Variants in MMAB observed in about 807,000 individuals in gnomAD.
The protein encoded by MMAB is metabolism of cobalamin associated B.
Under a neutral mutation model 30.6 loss-of-function variants are expected in MMAB, and 17 were observed. That is an observed-to-expected ratio of 0.56 (90% CI 0.38 to 0.83). The LOEUF is 0.83. Among genes scored for constraint, MMAB ranks in the 40% least tolerant of loss-of-function variants. MMAB has a pLI of 0.00. For missense variants in MMAB, 311 were observed against 331.6 expected (o/e 0.94, Z 0.48); for synonymous variants, 134 against 138.6 (o/e 0.97, Z 0.23).
intron 7 of MMAB, among the ~76,000 whole-genome samples, 188 bp downstream of exon 7, chr12:109,560,852 G>A (rs1884164526): frequency 6.6e-6 from 1 of 152,136 alleles, no homozygotes; most frequent in African/African-American, 2.4e-5. Flanking sequence ...CAGTGGAGGG[G>A]CCCAGACAAG....
At position 109,553,864 on chromosome 12, in the gene MMAB, G is replaced by A. The variant is rs1392775803; in HGVS notation, c.*3164C>T. ...GCTGTCGGAAGGTGTCGAGGCAGCA[G>A]CAAGGGTGACATTGCCACTGACGGG... On this transcript the variant is annotated 3_prime_UTR_variant, in exon 9 of 9. Transcript: ENST00000545712. 6.6e-6 allele frequency: 3 copies of A among 454,018 alleles called. No individual in the cohort carries two copies. Among genetic ancestry groups the A allele is most frequent in the African/African-American group, 4.0e-5 (2 of 50,016 alleles). The allele number at this position is 454,018 out of a possible 1,614,324, so 28.1% of individuals were successfully genotyped here. A position where few individuals can be genotyped will look rare whatever the true frequency, so the allele number is the denominator to read the frequency against.
rs1231969665 is a variant in MMAB at position 109,561,508 on chromosome 12, G to A, written c.431C>T (p.Thr144Met). Residue 144 changes from threonine (T) to methionine (M), a missense_variant, in exon 6 of 9, where the codon ACG (threonine) becomes ATG (methionine). By Grantham distance (81) the Thr-to-Met change is moderately conservative. Coordinates refer to ENST00000545712, the MANE Select transcript of MMAB (RefSeq NM_052845.4). The surrounding 1 kb of genome is among the most constrained non-coding windows in gnomAD (Gnocchi z 5.3). ...SAREAHLKYTTFKAGPILELE... is the reference protein window; with the variant it reads ...SAREAHLKYTMFKAGPILELE... ...CTCCAGGATGGGCCCCGCCTTGAAC[G>A]TGGTATACTCTGAGGAGCCAAGGAG... 10 of 1,549,122 alleles carry A rather than the reference G, an allele frequency of 6.5e-6. No homozygotes were observed. The East Asian group carries it at 2.2e-4, about 34-fold the overall frequency.
At chr12:109,559,386 G>A (rs1167514559) in intron 7 of MMAB, among the ~76,000 whole-genome samples, 1 of 152,186 alleles carries the variant, frequency 6.6e-6, no homozygotes, top group African/African-American at 2.4e-5. Context: ...GATCAAGGAT[G>A]GCTGGTGAGT....
Position 109,554,602 on chromosome 12 carries a change from G to A in MMAB, c.*2426C>T. ...GCAATGGGACTGATTGTTTCTGAGAGTTGCCAGTGGTGTGCAAACACTGGG... is the reference window on the plus strand; with the variant it reads ...GCAATGGGACTGATTGTTTCTGAGAATTGCCAGTGGTGTGCAAACACTGGG... On this transcript the variant is annotated 3_prime_UTR_variant, in exon 9 of 9. Transcript: ENST00000545712. The A allele has an allele frequency of 2.2e-6, 1 of 454,142 alleles. No individual in the cohort carries two copies. Among genetic ancestry groups the A allele is most frequent in the Non-Finnish European group, 4.4e-6 (1 of 226,800 alleles). The allele number at this position is 454,142 out of a possible 1,614,324, so 28.1% of individuals were successfully genotyped here.
intron 2 of MMAB, 47 bp downstream of exon 2, chr12:109,571,602 G>T: frequency 6.5e-7 from 1 of 1,529,932 alleles, no homozygotes; most frequent in Non-Finnish European, 9.1e-7. Context: ...TTAAAATGGT[G>T]TATGCCATGA....
At chr12:109,573,008 G>A (rs540315765) in intron 1 of MMAB, among the ~76,000 whole-genome samples, 62 of 152,338 alleles carry the variant, frequency 4.1e-4, no homozygotes, top group Non-Finnish European at 6.3e-4. Flanking sequence ...CAAGTTTCAA[G>A]GAATATGAGG....
At chr12:109,572,411 ATTTTTTT>A (rs34992643) in intron 1 of MMAB, among the ~76,000 whole-genome samples, 45 of 119,028 alleles carry the variant, frequency 3.8e-4, no homozygotes, top group African/African-American at 1.1e-3. Context: ...CACCCAGCTA[ATTTTTTT>A]TTTTTTTTTT....
Position 109,568,804 on chromosome 12 carries a change from C to T in MMAB, c.256G>A (p.Val86Met), listed in dbSNP as rs143935056. 74 of 1,614,028 alleles carry T rather than the reference C, an allele frequency of 4.6e-5. No individual in the cohort carries two copies. Among genetic ancestry groups the T allele is most frequent in the Non-Finnish European group, 5.8e-5 (69 of 1,179,964 alleles). The change falls in exon 3 of 9, where the codon GTG becomes ATG. Residue 86 changes from valine to methionine, a missense_variant. Transcript: ENST00000545712. ...GAACTTAATTCATCTGTAGTTCCCA[C>T]GGCTTCAAACACTTGGTCATCTTTG... ...RPKDDQVFEA[V>M]GTTDELSSAI...
rs1317247830 is a variant in MMAB at position 109,556,971 on chromosome 12, C to T, written c.*57G>A. On this transcript the variant is annotated 3_prime_UTR_variant, in exon 9 of 9. Transcript: ENST00000545712. ...AACCAGGACCCCAGAAGGGCAAGCTCCTCTCTCCACGGCCATCGCCATGGA... is the reference window on the plus strand; with the variant it reads ...AACCAGGACCCCAGAAGGGCAAGCTTCTCTCTCCACGGCCATCGCCATGGA... The T allele has an allele frequency of 2.5e-6, 3 of 1,218,544 alleles. No homozygotes were observed. Among genetic ancestry groups the T allele is most frequent in the Non-Finnish European group, 3.6e-6 (3 of 822,888 alleles). The allele number at this position is 1,218,544 out of a possible 1,614,324, so 75.5% of individuals were successfully genotyped here. A position where few individuals can be genotyped will look rare whatever the true frequency, so the allele number is the denominator to read the frequency against.
rs962874699 is a variant in MMAB, at chr12:109,571,512, A to G, written c.196+137T>C. On this transcript the variant is annotated intron_variant, in intron 2 of 8. Transcript: ENST00000545712. ...GATGATTAGCCCAACAGGGCCTCCC[A>G]AAGTGCCGGGATTACAGGCATGAGC... 15 of 782,086 alleles carry G rather than the reference A, an allele frequency of 1.9e-5. No individual in the cohort carries two copies. In the African/African-American group the frequency reaches 2.6e-4, roughly 13 times the overall value. The allele number at this position is 782,086 out of a possible 1,614,324, so 48.4% of individuals were successfully genotyped here.
At chr12:109,568,289 A>G (rs1884509249) in intron 3 of MMAB, 1 of 188,382 alleles carries the variant, frequency 5.3e-6, no homozygotes, top group African/African-American at 2.4e-5. Flanking sequence ...CAGCAAGTCC[A>G]TCTTTGGTGT....
chr12:109,570,203 G>T, intron 2 of MMAB: 1 of 201,336 alleles, frequency 5.0e-6, no homozygotes. Flanking sequence ...GTTGCAGTGA[G>T]CTGAGATCGT....
intron 4 of MMAB, 43 bp downstream of exon 4, chr12:109,565,076 C>G (rs371979848): frequency 5.8e-4 from 898 of 1,538,902 alleles, no homozygotes; most frequent in Non-Finnish European, 7.7e-4. Flanking sequence ...TGATGGCCAC[C>G]GGGGCTGAAG....
At position 109,556,310 on chromosome 12, in the gene MMAB, CAG is replaced by C. The variant is rs1883968482; in HGVS notation, c.*716_*717del. The C allele has an allele frequency of 8.8e-6, 4 of 453,672 alleles. No homozygotes were observed. Among genetic ancestry groups the C allele is most frequent in the Non-Finnish European group, 1.8e-5 (4 of 226,422 alleles). The allele number at this position is 453,672 out of a possible 1,614,324, so 28.1% of individuals were successfully genotyped here. A position where few individuals can be genotyped will look rare whatever the true frequency, so the allele number is the denominator to read the frequency against. Reference sequence around the variant, plus strand: ...AGACCCTTGACTCAGTCCAACCAGACAGGGAATGTTCACCTTCAAGTGGTAGT... The same window carrying C: ...AGACCCTTGACTCAGTCCAACCAGACGGAATGTTCACCTTCAAGTGGTAGT... On this transcript the variant is annotated 3_prime_UTR_variant, in exon 9 of 9. Transcript: ENST00000545712.
chr12:109,557,045 C>T lies in MMAB; in HGVS notation c.736G>A (p.Glu246Lys), dbSNP rs771993425. 2.5e-6 allele frequency: 4 copies of T among 1,611,034 alleles called. No individual in the cohort carries two copies. The highest frequency in any genetic ancestry group is 2.2e-5 in the South Asian group (2 of 91,028). ...CTGTGATTTCAGAGTCCCTCAGACT[C>T]GGCCGATGGGTCATTTTTCATGTAT... Reference protein sequence around the residue: ...KIYMKNDPSAESEGL With the variant: ...KIYMKNDPSAKSEGL Residue 246 changes from glutamate (E) to lysine (K), a missense_variant, in exon 9 of 9, where the codon GAG becomes AAG. By Grantham distance (56) the Glu-to-Lys change is moderately conservative (BLOSUM62 1). Coordinates refer to ENST00000545712, the MANE Select transcript of MMAB (RefSeq NM_052845.4).
Position 109,561,260 on chromosome 12 carries a change from AG to A in MMAB, c.520-157del, listed in dbSNP as rs1313141572. The A allele has an allele frequency of 3.1e-6, 5 of 1,587,746 alleles. No individual in the cohort carries two copies. Among genetic ancestry groups the A allele is most frequent in the Non-Finnish European group, 4.3e-6 (5 of 1,174,604 alleles). On this transcript the variant is annotated intron_variant, in intron 6 of 8. Coordinates refer to ENST00000545712, the MANE Select transcript of MMAB (RefSeq NM_052845.4). This position sits in a 1 kb window ranked among gnomAD's most constrained non-coding sequence, Gnocchi z 5.3. The stretch of plus-strand genomic sequence containing the variant: ...ACACCCACCGGGCACGCTGCTCCAG[AG>A]TGGGCAGGGCTGGGAGGGACCGGTG...
chr12:109,559,023 C>T (rs377239435), intron 8 of MMAB, 73 bp downstream of exon 8: 18 of 1,143,850 alleles, frequency 1.6e-5, no homozygotes, highest in Non-Finnish European at 1.7e-5. Flanking sequence ...CTTCCCGGAC[C>T]GCTGCACCGC....
At position 109,556,335 on chromosome 12, in the gene MMAB, A is replaced by G. The variant is rs1369648448; in HGVS notation, c.*693T>C. The G allele has an allele frequency of 2.2e-6, 1 of 453,684 alleles. No homozygotes were observed. Among genetic ancestry groups the G allele is most frequent in the African/African-American group, 2.0e-5 (1 of 50,110 alleles). 28.1% of individuals were successfully genotyped at this position (453,684 alleles called of 1,614,324 possible). ...CAGGGAATGTTCACCTTCAAGTGGTAGTGTTGTTCTCATCAGCATCTCCAT... is the reference window on the plus strand; with the variant it reads ...CAGGGAATGTTCACCTTCAAGTGGTGGTGTTGTTCTCATCAGCATCTCCAT... On this transcript the variant is annotated 3_prime_UTR_variant, in exon 9 of 9. Coordinates refer to ENST00000545712, the MANE Select transcript of MMAB (RefSeq NM_052845.4).
rs886546052 is a variant in MMAB at position 109,556,447 on chromosome 12, T to A, written c.*581A>T. ...AGTTTCTGAGCCTCGCCTGTCAATCTGCAGCTATCCTTCCCCCACACTTTG... is the reference window on the plus strand; with the variant it reads ...AGTTTCTGAGCCTCGCCTGTCAATCAGCAGCTATCCTTCCCCCACACTTTG... On this transcript the variant is annotated 3_prime_UTR_variant, in exon 9 of 9. Coordinates refer to ENST00000545712, the MANE Select transcript of MMAB (RefSeq NM_052845.4). 18 of 454,004 alleles carry A rather than the reference T, an allele frequency of 4.0e-5. No individual in the cohort carries two copies. Among genetic ancestry groups the A allele is most frequent in the Middle Eastern group, 6.8e-4 (1 of 1,466 alleles). 28.1% of individuals were successfully genotyped at this position (454,004 alleles called of 1,614,324 possible).
Sources: gnomAD v4.1 joint callset for allele counts (sites outside exome capture counted in the v4.1 genomes callset) on GRCh38, gnomAD v4.1.1 for gene constraint, Gnocchi (gnomAD v3.1) non-coding constraint, MANE v1.5 for transcripts, NCBI Gene and HGNC (gene_info 2026-07-23, HGNC 2026-07-21) for gene names.